TBC1D1: variants seen among roughly 807,000 people sequenced by gnomAD.
TBC1D1 encodes the protein TBC1 (tre-2/USP6, BUB2, cdc16) domain family, member 1.
TBC1D1 carries 89 observed loss-of-function variants against 125.6 expected under a neutral mutation model. That is an observed-to-expected ratio of 0.71 (90% CI 0.60 to 0.85). TBC1D1 has a LOEUF of 0.85. TBC1D1 is among the 40% of genes least tolerant of loss of function. TBC1D1 has a pLI of 0.00. For synonymous variants in TBC1D1, 565 were observed against 564.1 expected, an observed-to-expected ratio of 1.00 and a Z score of -0.02; for missense variants, 1,377 against 1,469.2, an observed-to-expected ratio of 0.94 and a Z score of 1.03.
intron 2 of TBC1D1, among the ~76,000 whole-genome samples, chr4:38,003,953 C>T (rs138791539): frequency 4.6e-5 from 7 of 151,850 alleles, no homozygotes; most frequent in African/African-American, 1.5e-4. Context: ...CTATTATAGG[C>T]TAGGCTCTAT....
chr4:38,113,014 A>G (rs1374785632), intron 15 of TBC1D1, among the ~76,000 whole-genome samples: 1 of 152,190 alleles, frequency 6.6e-6, no homozygotes, highest in Non-Finnish European at 1.5e-5. Context: ...AATTTGGCCC[A>G]AGGTTTGCCT....
chr4:37,893,956 A>G (rs1044861495), intron 1 of TBC1D1, among the ~76,000 whole-genome samples: 7 of 151,720 alleles, frequency 4.6e-5, no homozygotes, highest in African/African-American at 1.7e-4. Context: ...TTCTTCACGA[A>G]AGACATGAAG....
intron 2 of TBC1D1, among the ~76,000 whole-genome samples, chr4:37,981,766 G>A (rs983221758): frequency 6.6e-6 from 1 of 152,152 alleles, no homozygotes. Flanking sequence ...ATGGGGTTTG[G>A]ATTTGCTTTT....
At chr4:38,064,001 A>G (rs1578505504) in intron 12 of TBC1D1, among the ~76,000 whole-genome samples, 1 of 151,932 alleles carries the variant, frequency 6.6e-6, no homozygotes, top group Non-Finnish European at 1.5e-5. Context: ...ACTGCCGTCC[A>G]CCTCTAACCA....
At chr4:37,935,018 A>T (rs1263490449) in intron 2 of TBC1D1, among the ~76,000 whole-genome samples, 1 of 152,102 alleles carries the variant, frequency 6.6e-6, no homozygotes, top group East Asian at 1.9e-4. Context: ...GAGAACCTTG[A>T]GCTGGCCTTG....
At chr4:37,963,776 T>G (rs1319267824) in intron 2 of TBC1D1, among the ~76,000 whole-genome samples, 1 of 152,224 alleles carries the variant, frequency 6.6e-6, no homozygotes, top group Non-Finnish European at 1.5e-5. Context: ...ATTTAATAAT[T>G]TTTAAGATCC....
chr4:38,133,067 T>G lies in TBC1D1; in HGVS notation c.3133-17T>G. ...TTTCTCAGTTTTAGTACGTGATGAC[T>G]TTTCTTTCTATAACAGGTATTTGAA... On this transcript the variant is annotated splice_polypyrimidine_tract_variant and intron_variant, in intron 18 of 19. Transcript: ENST00000261439. 6.2e-7 allele frequency: 1 copy of G among 1,601,892 alleles called. No homozygotes were observed. The highest frequency in any genetic ancestry group is 1.3e-5 in the African/African-American group (1 of 74,306).
At chr4:38,083,071 T>C (rs1756852868) in intron 12 of TBC1D1, among the ~76,000 whole-genome samples, 2 of 152,192 alleles carry the variant, frequency 1.3e-5, no homozygotes, top group Admixed American at 1.3e-4. Context: ...CAGAGTTAGG[T>C]GCTCTGTTCT....
intron 2 of TBC1D1, among the ~76,000 whole-genome samples, chr4:37,962,538 T>C (rs555015374): frequency 6.6e-6 from 1 of 152,366 alleles, no homozygotes; most frequent in East Asian, 1.9e-4. Flanking sequence ...AAATGTTTAC[T>C]GCCATATTTA....
rs138163844 is a variant in TBC1D1 at position 38,128,080 on chromosome 4, C to G, written c.3132+2949C>G. ...GGCTTGGTCCACAGGTGGTGGTTTG[C>G]TGATCCCTGAACTAAAGGATCACAG... On this transcript the variant is annotated intron_variant, in intron 18 of 19. Transcript: ENST00000261439. Among the ~76,000 whole-genome samples the G allele has an allele frequency of 5.9e-5, 9 of 152,200 alleles. No individual in the cohort carries two copies. The East Asian group carries it at 1.5e-3, about 26-fold the overall frequency.
intron 2 of TBC1D1, among the ~76,000 whole-genome samples, chr4:37,998,234 G>A (rs13137606): frequency 0.29 from 43,970 of 151,998 alleles, 6,500 homozygotes; most frequent in East Asian, 0.41. Context: ...GAGGGGCAGC[G>A]CCAGGCACTG....
At chr4:38,034,109 C>T (rs1746745592) in intron 7 of TBC1D1, among the ~76,000 whole-genome samples, 1 of 152,334 alleles carries the variant, frequency 6.6e-6, no homozygotes, top group South Asian at 2.1e-4. Flanking sequence ...TACTGTTTTG[C>T]ATCCCCGCCA....
intron 17 of TBC1D1, among the ~76,000 whole-genome samples, chr4:38,123,816 G>C (rs1250147948): frequency 6.6e-6 from 1 of 152,222 alleles, no homozygotes; most frequent in Non-Finnish European, 1.5e-5. Flanking sequence ...CAGCCAGCGG[G>C]CTCCTGGGTC....
chr4:38,073,930 T>C (rs192541240), intron 12 of TBC1D1, among the ~76,000 whole-genome samples: 76 of 152,340 alleles, frequency 5.0e-4, no homozygotes, highest in Admixed American at 3.2e-3. Context: ...AGTGGACTTT[T>C]AAGACAACCA....
chr4:37,942,601 C>T (rs535235719), intron 2 of TBC1D1, among the ~76,000 whole-genome samples: 4 of 152,044 alleles, frequency 2.6e-5, no homozygotes, highest in South Asian at 2.1e-4. Context: ...TGCAGTGGCA[C>T]GATCTCGGCT....
intron 1 of TBC1D1, among the ~76,000 whole-genome samples, chr4:37,892,543 T>A (rs1001286331): frequency 1.3e-5 from 2 of 152,212 alleles, no homozygotes; most frequent in Non-Finnish European, 2.9e-5. Flanking sequence ...CATCAGGTGA[T>A]AATTAAAATA....
intron 2 of TBC1D1, among the ~76,000 whole-genome samples, chr4:37,933,057 AAAAAAAC>A (rs1560495729): frequency 1.4e-5 from 2 of 143,138 alleles, no homozygotes; most frequent in East Asian, 3.9e-4. Context: ...ATTTAAAAAC[AAAAAAAC>A]AAAAAAACAA....
chr4:37,983,383 G>A (rs1340858176), intron 2 of TBC1D1, among the ~76,000 whole-genome samples: 1 of 152,136 alleles, frequency 6.6e-6, no homozygotes, highest in Non-Finnish European at 1.5e-5. Context: ...AAAGTGCTGG[G>A]ATTATAGGCG....
intron 2 of TBC1D1, among the ~76,000 whole-genome samples, chr4:37,992,950 G>C (rs535213001): frequency 6.6e-6 from 1 of 151,794 alleles, no homozygotes; most frequent in African/African-American, 2.4e-5. Context: ...GATTACAGGC[G>C]TGTGTCATCA....
Sources: gnomAD v4.1 joint callset for allele counts (sites outside exome capture counted in the v4.1 genomes callset) on GRCh38, gnomAD v4.1.1 for gene constraint, MANE v1.5 for transcripts, NCBI Gene and HGNC (gene_info 2026-07-23, HGNC 2026-07-21) for gene names.